The following GOT2 variants were observed in gnomAD, a reference collection of about 807,000 sequenced individuals.
GOT2 encodes aspartate aminotransferase, mitochondrial.
Under a neutral mutation model 50.0 loss-of-function variants are expected in GOT2, and 17 were observed. The observed-to-expected ratio is 0.34, with a 90% CI of 0.23 to 0.51. The LOEUF (loss-of-function observed/expected upper bound fraction) is 0.51, where lower values mean the gene tolerates loss of function less well. GOT2 is among the 20% of genes least tolerant of loss of function. The pLI is 0.97. For synonymous variants in GOT2, 172 were observed against 204.9 expected (o/e 0.84, Z 1.37); for missense variants, 430 against 559.6 (o/e 0.77, Z 2.34).
intron 1 of GOT2, among the ~76,000 whole-genome samples, chr16:58,725,004 C>A (rs905893597): frequency 6.6e-6 from 1 of 152,142 alleles, no homozygotes; most frequent in East Asian, 1.9e-4. Context: ...TTGTAGGATG[C>A]CCCTCTACTG....
intron 1 of GOT2, among the ~76,000 whole-genome samples, chr16:58,728,566 T>C (rs1681039399): frequency 6.6e-6 from 1 of 152,226 alleles, no homozygotes; most frequent in Non-Finnish European, 1.5e-5. Flanking sequence ...TGTGACCAAA[T>C]GCAGGTCCTT....
chr16:58,720,468 A>G (rs72792423), intron 3 of GOT2, among the ~76,000 whole-genome samples: 316 of 152,312 alleles, frequency 2.1e-3, no homozygotes, highest in Non-Finnish European at 3.9e-3. Flanking sequence ...AAAGAGGGAA[A>G]AACCCAACTA....
intron 3 of GOT2, among the ~76,000 whole-genome samples, chr16:58,721,193 A>T (rs1201208453): frequency 2.6e-5 from 4 of 152,130 alleles, no homozygotes; most frequent in Non-Finnish European, 5.9e-5. Flanking sequence ...GGCTTTTCAG[A>T]GGGGGAAGGG....
chr16:58,726,456 T>C (rs1418203267), intron 1 of GOT2, among the ~76,000 whole-genome samples: 1 of 150,674 alleles, frequency 6.6e-6, no homozygotes, highest in Non-Finnish European at 1.5e-5. Flanking sequence ...AGTGCTGAGA[T>C]TACAGGCGTG....
At position 58,716,078 on chromosome 16, in the gene GOT2, G is replaced by A; in HGVS notation, c.955C>T (p.Pro319Ser). The A allele has an allele frequency of 6.2e-7, 1 of 1,613,742 alleles. No homozygotes were observed. Among genetic ancestry groups the A allele is most frequent in the Non-Finnish European group, 8.5e-7 (1 of 1,179,832 alleles). ...GCAATCCGGGCCCCATTGAGGGGAG[G>A]GTTGGAATACATGGGACGGATCAAG... ...KILIRPMYSN[P>S]PLNGARIAAA... is the part of the protein sequence containing the mutation. The change falls in exon 8 of 10, where the codon CCT becomes TCT. Residue 319 changes from proline to serine, a missense_variant. Transcript: ENST00000245206.
At chr16:58,718,451 G>A in intron 5 of GOT2, 76 bp downstream of exon 5, 1 of 1,425,882 alleles carries the variant, frequency 7.0e-7, no homozygotes, top group Non-Finnish European at 9.6e-7. Flanking sequence ...TCAGATATTG[G>A]GACATGGTGG....
rs1413735004 is a variant in GOT2, at chr16:58,722,290, A to G, written c.247-12T>C. The G allele has an allele frequency of 1.2e-6, 2 of 1,611,900 alleles. No homozygotes were observed. The highest frequency in any genetic ancestry group is 3.3e-5 in the Admixed American group (2 of 59,974). On this transcript the variant is annotated splice_polypyrimidine_tract_variant and intron_variant, in intron 2 of 9. Transcript: ENST00000245206. ...ATCTGGGCCTCTGCCTAGACAAGAGAAAATACATCCATTGAATTTCTTCTC... is the reference window on the plus strand; with the variant it reads ...ATCTGGGCCTCTGCCTAGACAAGAGGAAATACATCCATTGAATTTCTTCTC...
chr16:58,722,083 A>T, intron 3 of GOT2, 67 bp downstream of exon 3: 3 of 1,576,830 alleles, frequency 1.9e-6, no homozygotes, highest in Non-Finnish European at 2.6e-6. Context: ...CCTGGCCTAA[A>T]ATTGTTTAAA....
intron 8 of GOT2, among the ~76,000 whole-genome samples, chr16:58,713,352 C>T (rs2152094062): frequency 6.6e-6 from 1 of 152,092 alleles, no homozygotes; most frequent in South Asian, 2.1e-4. Flanking sequence ...TAAAGAACTA[C>T]CCTGAGCTGG....
At chr16:58,710,107 G>A (rs963221283) in intron 8 of GOT2, among the ~76,000 whole-genome samples, 2 of 152,054 alleles carry the variant, frequency 1.3e-5, no homozygotes, top group Non-Finnish European at 2.9e-5. Context: ...CATGTTGCGC[G>A]GTTTGGTTAC....
Position 58,710,602 on chromosome 16 carries a change from C to T in GOT2, c.1020-1035G>A, listed in dbSNP as rs187340591. On this transcript the variant is annotated intron_variant, in intron 8 of 9. Coordinates refer to ENST00000245206, the MANE Select transcript of GOT2 (RefSeq NM_002080.4). The stretch of plus-strand genomic sequence containing the variant: ...TTGCATCTGTATTAAGAAAAGTGGG[C>T]GGGGCACGGTGGCTCACGCCTGTAA... 1.5e-3 allele frequency among the ~76,000 whole-genome samples: 225 copies of T among 151,994 alleles called. 1 individual carries two copies. Among genetic ancestry groups the T allele is most frequent in the Middle Eastern group, 3.4e-3 (1 of 294 alleles).
intron 3 of GOT2, chr16:58,721,880 A>T (rs774400713): frequency 1.3e-5 from 3 of 232,550 alleles, no homozygotes; most frequent in Non-Finnish European, 2.5e-5. Flanking sequence ...TTCCAGGTTC[A>T]AGTGATTCTC....
In GOT2 at chr16:58,722,212, A is replaced by G; in HGVS notation, c.313T>C (p.Phe105Leu). 2 of 1,612,814 alleles carry G rather than the reference A, an allele frequency of 1.2e-6. No homozygotes were observed. The highest frequency in any genetic ancestry group is 1.7e-6 in the Non-Finnish European group (2 of 1,180,006). ...GCTAGTTCTGCAGATGCCTTGCAAA[A>G]TTCAGCCAGTCCCCCAATGGGCAGG... is the stretch of plus-strand genomic sequence containing the variant. ...EYLPIGGLAE[F>L]CKASAELALG... Residue 105 changes from phenylalanine to leucine, a missense_variant, in exon 3 of 10, where the codon TTT becomes CTT. By Grantham distance (22) the Phe-to-Leu change is conservative (BLOSUM62 0). Transcript: ENST00000245206.
Position 58,734,211 on chromosome 16 carries a change from GGA to G in GOT2, c.16_17del (p.Ser6ArgfsTer43). On this transcript the variant is annotated frameshift_variant, in exon 1 of 10. Coordinates refer to ENST00000245206, the MANE Select transcript of GOT2 (RefSeq NM_002080.4). LOFTEE classifies it high-confidence loss of function. ...CGGCGATCCCGGGGAGGACGCGGCC[GGA>G]GTGCAGCAGGGCCATGGTGGACCGT... is the stretch of plus-strand genomic sequence containing the variant. MALLHSGRVLPGIAAA... is the reference protein window; with the variant it reads MALLHXGRVLPGIAAA... 3 of 1,333,350 alleles carry G rather than the reference GGA, an allele frequency of 2.2e-6. No individual in the cohort carries two copies. The highest frequency in any genetic ancestry group is 2.9e-6 in the Non-Finnish European group (3 of 1,036,352). The allele number at this position is 1,333,350 out of a possible 1,614,324, so 82.6% of individuals were successfully genotyped here. A position where few individuals can be genotyped will look rare whatever the true frequency, so the allele number is the denominator to read the frequency against.
At chr16:58,720,773 G>A (rs1233206832) in intron 3 of GOT2, among the ~76,000 whole-genome samples, 6 of 151,664 alleles carry the variant, frequency 4.0e-5, no homozygotes, top group Non-Finnish European at 7.4e-5. Context: ...GAGACGGGGG[G>A]GCGGGTCTCA....
intron 3 of GOT2, among the ~76,000 whole-genome samples, chr16:58,720,643 A>C (rs985285714): frequency 4.6e-5 from 7 of 151,600 alleles, no homozygotes; most frequent in African/African-American, 1.7e-4. Context: ...CAATGGCATA[A>C]ACTTGGCTCA....
intron 1 of GOT2, among the ~76,000 whole-genome samples, chr16:58,732,333 G>C (rs926525437): frequency 2.0e-5 from 3 of 151,502 alleles, no homozygotes; most frequent in African/African-American, 7.3e-5. Context: ...AATTTTTTTT[G>C]GTACATATTT....
chr16:58,716,218 A>T (rs1037331885), intron 7 of GOT2, 39 bp from the exon 8 acceptor site: 1 of 1,586,360 alleles, frequency 6.3e-7, no homozygotes, highest in African/African-American at 1.3e-5. Context: ...TACTTCTACT[A>T]TCTAATGTGC....
chr16:58,710,803 T>C (rs1180574647), intron 8 of GOT2, among the ~76,000 whole-genome samples: 1 of 146,646 alleles, frequency 6.8e-6, no homozygotes, highest in Non-Finnish European at 1.5e-5. Context: ...CCGTCTCTAA[T>C]AAAAATACAA....
Sources: allele counts gnomAD v4.1 joint callset (sites outside exome capture counted in the v4.1 genomes callset), GRCh38; gene constraint gnomAD v4.1.1; transcripts MANE v1.5; gene names NCBI Gene and HGNC (gene_info 2026-07-23, HGNC 2026-07-21).